FGD4: variants seen among roughly 807,000 people sequenced by gnomAD.
FGD4 encodes FYVE, RhoGEF and PH domain-containing protein 4.
FGD4 carries 42 observed loss-of-function variants against 102.0 expected under a neutral mutation model. That is an observed-to-expected ratio of 0.41 (90% CI 0.32 to 0.53). The LOEUF (loss-of-function observed/expected upper bound fraction) is 0.53, where lower values mean the gene tolerates loss of function less well. FGD4 is among the 20% of genes least tolerant of loss of function. The pLI, the probability that FGD4 is intolerant of heterozygous loss-of-function variation, is 0.21. For missense variants in FGD4, 902 were observed against 1,078.2 expected (o/e 0.84, Z 2.29); for synonymous variants, 380 against 375.7 (o/e 1.01, Z -0.13).
chr12:32,562,945 G>A (rs980988314), intron 1 of FGD4, among the ~76,000 whole-genome samples: 2 of 152,196 alleles, frequency 1.3e-5, no homozygotes, highest in Non-Finnish European at 2.9e-5. Flanking sequence ...TCCCAGACGG[G>A]GTGGTGGCCG....
chr12:32,519,578 G>T (rs1419247897), intron 1 of FGD4, among the ~76,000 whole-genome samples: 1 of 151,712 alleles, frequency 6.6e-6, no homozygotes, highest in African/African-American at 2.4e-5. Context: ...ATCACTTGAG[G>T]CCAGGAGTTT....
chr12:32,480,789 A>G (rs150689428), intron 1 of FGD4, among the ~76,000 whole-genome samples: 11,871 of 138,856 alleles, frequency 0.085, 1,103 homozygotes, highest in African/African-American at 0.22. Context: ...GTGAGCCACC[A>G]CGCCCGGCCT....
At chr12:32,625,539 G>T in intron 13 of FGD4, 115 bp from the exon 14 acceptor site, 2 of 1,344,188 alleles carry the variant, frequency 1.5e-6, no homozygotes, top group South Asian at 1.3e-5. Flanking sequence ...GAAAGTGCTG[G>T]GATTATAGTT....
chr12:32,496,804 A>G (rs1440389149), intron 1 of FGD4, among the ~76,000 whole-genome samples: 1 of 152,228 alleles, frequency 6.6e-6, no homozygotes, highest in African/African-American at 2.4e-5. Context: ...ATAAGAATTA[A>G]GAGTGTGGAA....
chr12:32,416,939 C>T lies in FGD4; in HGVS notation c.166+16980C>T, dbSNP rs192558692. Among the ~76,000 whole-genome samples the T allele has an allele frequency of 4.4e-3, 663 of 151,648 alleles. 1 individual carries two copies. The highest frequency in any genetic ancestry group is 8.4e-3 in the Non-Finnish European group (569 of 67,900). On this transcript the variant is annotated intron_variant, in intron 1 of 16. Transcript: ENST00000534526. ...TGAGATGGAGTCTTGCTCTGTCACC[C>T]AGGTTGGAGTGCAATGGCACAATCT... is the stretch of plus-strand genomic sequence containing the variant.
intron 1 of FGD4, among the ~76,000 whole-genome samples, chr12:32,515,679 G>A (rs1452422253): frequency 6.6e-6 from 1 of 152,158 alleles, no homozygotes; most frequent in Non-Finnish European, 1.5e-5. Context: ...TGCACATGCT[G>A]TGCCACTTCA....
intron 4 of FGD4, among the ~76,000 whole-genome samples, chr12:32,591,398 G>A (rs1400736328): frequency 2.0e-5 from 3 of 152,192 alleles, no homozygotes; most frequent in African/African-American, 7.2e-5. Context: ...AATCACATAT[G>A]AGAACATGTG....
intron 1 of FGD4, chr12:32,501,914 C>A: frequency 2.5e-6 from 1 of 398,580 alleles, no homozygotes; most frequent in Non-Finnish European, 3.4e-6. Flanking sequence ...TTTGTACCAC[C>A]AAGGGTAAAT....
intron 1 of FGD4, among the ~76,000 whole-genome samples, chr12:32,400,742 A>G (rs563361324): frequency 6.6e-6 from 1 of 152,230 alleles, no homozygotes; most frequent in Non-Finnish European, 1.5e-5. Flanking sequence ...TGCGGTAACC[A>G]GAGGTGTCTG....
chr12:32,459,952 C>G (rs1389504987), intron 1 of FGD4, among the ~76,000 whole-genome samples: 2 of 151,964 alleles, frequency 1.3e-5, no homozygotes, highest in South Asian at 2.1e-4. Flanking sequence ...GTGATCCCCC[C>G]ACCTCAGCCT....
intron 1 of FGD4, among the ~76,000 whole-genome samples, chr12:32,418,203 G>C (rs1423710034): frequency 6.6e-6 from 1 of 151,958 alleles, no homozygotes; most frequent in Non-Finnish European, 1.5e-5. Context: ...TGATCCGCCC[G>C]CCTCTGCCTC....
At chr12:32,520,073 A>G (rs2136728897) in intron 1 of FGD4, among the ~76,000 whole-genome samples, 1 of 152,320 alleles carries the variant, frequency 6.6e-6, no homozygotes, top group African/African-American at 2.4e-5. Flanking sequence ...TTTGAGAAAA[A>G]CCTTTGTATA....
At chr12:32,450,209 G>T (rs1437530276) in intron 1 of FGD4, among the ~76,000 whole-genome samples, 6 of 152,068 alleles carry the variant, frequency 3.9e-5, no homozygotes, top group African/African-American at 1.4e-4. Context: ...GGGATTACAG[G>T]CATGAGCCAC....
intron 1 of FGD4, among the ~76,000 whole-genome samples, chr12:32,430,131 A>G (rs1941999606): frequency 6.6e-6 from 1 of 152,134 alleles, no homozygotes; most frequent in Non-Finnish European, 1.5e-5. Flanking sequence ...AACATGGTGA[A>G]ATCCCGTTTC....
chr12:32,423,591 C>CA (rs35872227), intron 1 of FGD4, among the ~76,000 whole-genome samples: 1,115 of 72,270 alleles, frequency 0.015, 19 homozygotes, highest in Middle Eastern at 0.044. Flanking sequence ...GACTTCATCT[C>CA]AAAAAAAAAA....
intron 2 of FGD4, 50 bp from the exon 3 acceptor site, chr12:32,576,215 GT>G: frequency 6.5e-7 from 1 of 1,532,528 alleles, no homozygotes; most frequent in Admixed American, 2.0e-5. Context: ...AATTTTTATT[GT>G]TATTGAACAA....
chr12:32,540,605 G>A (rs994933141), intron 1 of FGD4, among the ~76,000 whole-genome samples: 2 of 142,008 alleles, frequency 1.4e-5, no homozygotes, highest in South Asian at 2.2e-4. Context: ...CACTCTTGTC[G>A]CTCAAGCTGG....
At chr12:32,528,717 G>C (rs1941506203) in intron 1 of FGD4, among the ~76,000 whole-genome samples, 1 of 152,064 alleles carries the variant, frequency 6.6e-6, no homozygotes, top group Non-Finnish European at 1.5e-5. Context: ...ATCATCTTTA[G>C]ATTGCTCATA....
chr12:32,469,340 G>A (rs1256087547), intron 1 of FGD4, among the ~76,000 whole-genome samples: 3 of 148,672 alleles, frequency 2.0e-5, no homozygotes, highest in South Asian at 2.2e-4. Context: ...GTGCAGTGGC[G>A]CAATCTCGGC....
Sources: allele counts gnomAD v4.1 joint callset (sites outside exome capture counted in the v4.1 genomes callset), GRCh38; gene constraint gnomAD v4.1.1; transcripts MANE v1.5; gene names NCBI Gene and HGNC (gene_info 2026-07-23, HGNC 2026-07-21).